ACSS3: variants seen among roughly 807,000 people sequenced by gnomAD.
The protein encoded by ACSS3 is acyl-CoA synthetase short-chain family member 3, mitochondrial.
A neutral mutation model predicts 84.2 loss-of-function variants in ACSS3; 64 were observed. That is an observed-to-expected ratio of 0.76 (90% CI 0.62 to 0.94). The LOEUF (loss-of-function observed/expected upper bound fraction) is 0.94, where lower values mean the gene tolerates loss of function less well. ACSS3 is among the 40% of genes least tolerant of loss of function. ACSS3 has a pLI of 0.00. For missense variants in ACSS3, 815 were observed against 867.6 expected, an observed-to-expected ratio of 0.94 and a Z score of 0.76; for synonymous variants, 317 against 310.1, an observed-to-expected ratio of 1.02 and a Z score of -0.23.
chr12:81,186,237 A>T (rs1315841391), intron 8 of ACSS3, among the ~76,000 whole-genome samples: 1 of 151,900 alleles, frequency 6.6e-6, no homozygotes, highest in Non-Finnish European at 1.5e-5. Flanking sequence ...TAAGTATAAG[A>T]CCAGAAATAA....
At chr12:81,086,328 G>A (rs572498970) in intron 1 of ACSS3, among the ~76,000 whole-genome samples, 2 of 152,208 alleles carry the variant, frequency 1.3e-5, no homozygotes, top group South Asian at 4.2e-4. Flanking sequence ...ATGAAAAATT[G>A]CCTGTTAGAA....
chr12:81,107,509 T>C (rs1445857009), intron 1 of ACSS3, among the ~76,000 whole-genome samples: 6 of 29,950 alleles, frequency 2.0e-4, no homozygotes, highest in African/African-American at 5.6e-4. Context: ...TACAAATATA[T>C]ACATATATAT....
intron 9 of ACSS3, chr12:81,199,662 A>G (rs1332166906): frequency 3.4e-6 from 5 of 1,467,280 alleles, no homozygotes; most frequent in Non-Finnish European, 3.6e-6. Flanking sequence ...GTCCCTAGGT[A>G]TAAAGCACTA....
intron 7 of ACSS3, among the ~76,000 whole-genome samples, chr12:81,165,427 C>T (rs1451627361): frequency 2.6e-5 from 4 of 152,036 alleles, no homozygotes; most frequent in Non-Finnish European, 5.9e-5. Context: ...AGGCGGATCA[C>T]GAGGTCAGGA....
chr12:81,145,880 G>C (rs1886316131), intron 5 of ACSS3, among the ~76,000 whole-genome samples: 1 of 152,150 alleles, frequency 6.6e-6, no homozygotes, highest in African/African-American at 2.4e-5. Context: ...CAGGACTGGT[G>C]ATTAAATTGT....
At chr12:81,078,575 C>G in intron 1 of ACSS3, 144 bp downstream of exon 1, 1 of 920,382 alleles carries the variant, frequency 1.1e-6, no homozygotes, top group Non-Finnish European at 1.6e-6. Context: ...ATTCGTGTTT[C>G]ATTTCAATTT....
intron 15 of ACSS3, 74 bp from the exon 16 acceptor site, chr12:81,254,783 A>T: frequency 1.6e-6 from 2 of 1,220,914 alleles, no homozygotes; most frequent in Non-Finnish European, 2.3e-6. Flanking sequence ...AACATTGCAT[A>T]TAATTGTTTA....
chr12:81,172,335 C>G (rs946981271), intron 7 of ACSS3, among the ~76,000 whole-genome samples: 2 of 150,190 alleles, frequency 1.3e-5, no homozygotes, highest in Admixed American at 6.7e-5. Flanking sequence ...AAGACACTCG[C>G]TCTTTTAAAA....
At chr12:81,189,436 A>C (rs2065700937) in intron 8 of ACSS3, among the ~76,000 whole-genome samples, 3 of 152,070 alleles carry the variant, frequency 2.0e-5, no homozygotes, top group Admixed American at 1.3e-4. Flanking sequence ...TTTAATTTTC[A>C]TGTCAAAGTT....
rs182673790 is a variant in ACSS3, at chr12:81,240,189, A to G, written c.1719+6718A>G. 8.3e-4 allele frequency among the ~76,000 whole-genome samples: 127 copies of G among 152,108 alleles called. 1 individual carries two copies. Among genetic ancestry groups the G allele is most frequent in the African/African-American group, 2.9e-3 (121 of 41,526 alleles). ...GAGTGTTAAAGTCTTGAACTATAAT[A>G]GTTGATTCATCTGTTTCTCCTCCCA... On this transcript the variant is annotated intron_variant, in intron 13 of 15. Coordinates refer to ENST00000548058, the MANE Select transcript of ACSS3 (RefSeq NM_024560.4).
At chr12:81,237,543 A>G (rs958868143) in intron 13 of ACSS3, among the ~76,000 whole-genome samples, 1 of 151,594 alleles carries the variant, frequency 6.6e-6, no homozygotes, top group Non-Finnish European at 1.5e-5. Context: ...TGTCTATTTT[A>G]AATCTTATCC....
At chr12:81,195,570 T>C (rs1416943418) in intron 8 of ACSS3, among the ~76,000 whole-genome samples, 2 of 152,060 alleles carry the variant, frequency 1.3e-5, no homozygotes, top group African/African-American at 4.8e-5. Context: ...CATATGGATA[T>C]GTAATTTGTC....
intron 13 of ACSS3, among the ~76,000 whole-genome samples, chr12:81,237,417 C>T (rs757164177): frequency 1.3e-5 from 2 of 151,544 alleles, no homozygotes; most frequent in Non-Finnish European, 3.0e-5. Context: ...TTTATTTCTC[C>T]ATAGTTATAA....
chr12:81,241,147 T>C (rs6539565), intron 13 of ACSS3, among the ~76,000 whole-genome samples: 104,898 of 151,728 alleles, frequency 0.69, 36,747 homozygotes, highest in Non-Finnish European at 0.76. Context: ...CATCCATGTC[T>C]GTACAAAGGA....
intron 2 of ACSS3, among the ~76,000 whole-genome samples, chr12:81,132,560 T>G (rs186141223): frequency 3.3e-5 from 5 of 152,290 alleles, no homozygotes; most frequent in Non-Finnish European, 4.4e-5. Context: ...TCTATTTTGT[T>G]GATCTTTTCA....
At chr12:81,116,834 A>G (rs556265564) in intron 2 of ACSS3, among the ~76,000 whole-genome samples, 52 of 152,284 alleles carry the variant, frequency 3.4e-4, no homozygotes, top group Middle Eastern at 3.4e-3. Context: ...ATTATTTCCA[A>G]AAGTATCACT....
chr12:81,142,971 C>T (rs1886162808), intron 4 of ACSS3, 136 bp from the exon 5 acceptor site: 12 of 801,856 alleles, frequency 1.5e-5, no homozygotes, highest in Non-Finnish European at 2.1e-5. Context: ...ACTTTTTAGT[C>T]ATAAATCTGA....
At chr12:81,254,124 C>G (rs2034235429) in intron 15 of ACSS3, among the ~76,000 whole-genome samples, 1 of 151,910 alleles carries the variant, frequency 6.6e-6, no homozygotes, top group Admixed American at 6.6e-5. Flanking sequence ...AGGTAGTGTT[C>G]TCACCATGTT....
At position 81,248,279 on chromosome 12, in the gene ACSS3, A is replaced by G. The variant is rs79877900; in HGVS notation, c.1720-5028A>G. On this transcript the variant is annotated intron_variant, in intron 13 of 15. Coordinates refer to ENST00000548058, the MANE Select transcript of ACSS3 (RefSeq NM_024560.4). Reference sequence around the variant, plus strand: ...CCCATGTTTGTTGCAGCAGTGCTCAAGTAGCAAAGATATAGAATCAACCTA... The same window carrying G: ...CCCATGTTTGTTGCAGCAGTGCTCAGGTAGCAAAGATATAGAATCAACCTA... 6.4e-3 allele frequency among the ~76,000 whole-genome samples: 972 copies of G among 152,198 alleles called. 9 individuals carry two copies. The highest frequency in any genetic ancestry group is 0.022 in the African/African-American group (912 of 41,570).
Sources: gnomAD v4.1 joint callset for allele counts (sites outside exome capture counted in the v4.1 genomes callset) on GRCh38, gnomAD v4.1.1 for gene constraint, MANE v1.5 for transcripts, NCBI Gene and HGNC (gene_info 2026-07-23, HGNC 2026-07-21) for gene names.